Variants in RFX8 observed in about 807,000 individuals in gnomAD.
RFX8 encodes regulatory factor X8, also known as DNA-binding protein RFX8.
In RFX8, 46 loss-of-function variants were observed where a neutral mutation model predicts 54.6. That is an observed-to-expected ratio of 0.84 (90% CI 0.67 to 1.08). The LOEUF is 1.08. RFX8 is among the 50% of genes least tolerant of loss of function. The probability of loss-of-function intolerance (pLI) is 0.00; values close to 1 mark genes in which losing one functional copy is unlikely to be tolerated. For synonymous variants in RFX8, 192 were observed against 209.5 expected (o/e 0.92, Z 0.72); for missense variants, 536 against 562.3 (o/e 0.95, Z 0.47).
intron 2 of RFX8, among the ~76,000 whole-genome samples, chr2:101,431,464 GT>G (rs11326220): frequency 0.74 from 111,770 of 152,064 alleles, 42,555 homozygotes; most frequent in Middle Eastern, 0.88. Context: ...TTGGTGATCA[GT>G]TTACCCTGAT....
Position 101,414,891 on chromosome 2 carries a change from C to A in RFX8, c.524G>T (p.Arg175Ile), listed in dbSNP as rs1686399653. 1 of 1,550,454 alleles carries A rather than the reference C, an allele frequency of 6.4e-7. No individual in the cohort carries two copies. The highest frequency in any genetic ancestry group is 8.7e-7 in the Non-Finnish European group (1 of 1,146,462). Residue 175 changes from arginine (R) to isoleucine (I), a missense_variant, in exon 7 of 12, where the codon AGA becomes ATA. Coordinates refer to ENST00000428343, the MANE Select transcript of RFX8 (RefSeq NM_001145664.2). ...GGAAAGGTACGTCTTTCTTCTTAGTCTTTTGACAAATAGAGTAACTTCTGT... is the reference window on the plus strand; with the variant it reads ...GGAAAGGTACGTCTTTCTTCTTAGTATTTTGACAAATAGAGTAACTTCTGT... ...KLKEVTLFVK[R>I]LRRKTYLSNM...
At chr2:101,458,309 T>C (rs1467759278) in intron 2 of RFX8, among the ~76,000 whole-genome samples, 3 of 152,356 alleles carry the variant, frequency 2.0e-5, no homozygotes, top group African/African-American at 7.2e-5. Flanking sequence ...ATGGCATTGA[T>C]GGTCTTTACA....
At chr2:101,421,882 C>A (rs746515037) in intron 3 of RFX8, 105 bp from the exon 4 acceptor site, 6 of 817,646 alleles carry the variant, frequency 7.3e-6, no homozygotes, top group Non-Finnish European at 1.2e-5. Flanking sequence ...TGTTGCAATT[C>A]TCAAATGACA....
intron 2 of RFX8, among the ~76,000 whole-genome samples, chr2:101,437,271 T>C (rs1558868714): frequency 6.6e-6 from 1 of 150,936 alleles, no homozygotes; most frequent in East Asian, 2.0e-4. Context: ...ACCCGTCTCT[T>C]ACAAAAAAAA....
At chr2:101,409,601 G>A (rs984937496) in intron 9 of RFX8, among the ~76,000 whole-genome samples, 3 of 152,112 alleles carry the variant, frequency 2.0e-5, no homozygotes, top group Admixed American at 2.0e-4. Flanking sequence ...CTGGGTTCAA[G>A]CGATTCTCCT....
intron 4 of RFX8, among the ~76,000 whole-genome samples, chr2:101,419,259 A>G (rs1198897634): frequency 6.6e-6 from 1 of 152,172 alleles, no homozygotes; most frequent in Admixed American, 6.5e-5. Context: ...AGTTGATTAT[A>G]CTAGGATGAG....
intron 1 of RFX8, among the ~76,000 whole-genome samples, chr2:101,472,514 TGAAGAGTGGCCTATAGGGATAG>T (rs1690064476): frequency 2.0e-5 from 2 of 99,990 alleles, no homozygotes; most frequent in South Asian, 7.2e-4. Flanking sequence ...CCCCCAACCT[TGAAGAGTGGCCTATAGGGATAG>T]GAACTTGTAA....
intron 2 of RFX8, among the ~76,000 whole-genome samples, chr2:101,461,287 GAA>G (rs1265443378): frequency 4.5e-5 from 6 of 133,980 alleles, no homozygotes; most frequent in African/African-American, 1.1e-4. Context: ...AAAAAAGAAA[GAA>G]AAAGAAAAAG....
At chr2:101,416,275 G>A (rs934674855) in intron 6 of RFX8, among the ~76,000 whole-genome samples, 1 of 152,184 alleles carries the variant, frequency 6.6e-6, no homozygotes, top group Non-Finnish European at 1.5e-5. Flanking sequence ...TTGAATTCGG[G>A]CAGATGTTAA....
At chr2:101,473,573 TAAA>T (rs1337009445) in intron 1 of RFX8, among the ~76,000 whole-genome samples, 1 of 152,156 alleles carries the variant, frequency 6.6e-6, no homozygotes, top group Admixed American at 6.5e-5. Flanking sequence ...CTTTGAAACT[TAAA>T]AAGAGAAAAA....
At chr2:101,403,585 G>A (rs111732445) in intron 10 of RFX8, among the ~76,000 whole-genome samples, 11,722 of 152,222 alleles carry the variant, frequency 0.077, 569 homozygotes, top group Non-Finnish European at 0.11. Context: ...AGGAGATCGA[G>A]ACCATCCCAG....
intron 2 of RFX8, among the ~76,000 whole-genome samples, chr2:101,462,044 A>G (rs978770406): frequency 6.6e-6 from 1 of 152,168 alleles, no homozygotes; most frequent in Non-Finnish European, 1.5e-5. Context: ...ACATATGGGG[A>G]TCTATCCTAA....
chr2:101,438,280 A>G (rs1189417327), intron 2 of RFX8, among the ~76,000 whole-genome samples: 1 of 152,180 alleles, frequency 6.6e-6, no homozygotes. Context: ...GATCTTATTC[A>G]TTATGTATGT....
At chr2:101,410,514 C>A in intron 9 of RFX8, 105 bp downstream of exon 9, 1 of 656,354 alleles carries the variant, frequency 1.5e-6, no homozygotes, top group South Asian at 2.0e-5. Context: ...TGACACATTT[C>A]CGACCAGAGC....
intron 4 of RFX8, chr2:101,421,253 C>A: frequency 2.0e-6 from 2 of 985,686 alleles, no homozygotes; most frequent in Non-Finnish European, 1.2e-6. Flanking sequence ...CTCAGAATAG[C>A]TGAAAGATTT....
At chr2:101,408,479 T>A (rs1223415123) in intron 9 of RFX8, among the ~76,000 whole-genome samples, 1 of 123,432 alleles carries the variant, frequency 8.1e-6, no homozygotes, top group Non-Finnish European at 1.8e-5. Flanking sequence ...CGAGACTCCG[T>A]CTCAAAAAAA....
rs143815142 is a variant in RFX8 at position 101,467,154 on chromosome 2, T to C, written c.-52-254A>G. On this transcript the variant is annotated intron_variant, in intron 1 of 11. Transcript: ENST00000428343. ...TAACGTGTTTCTGTTTTTGTTTGTT[T>C]CCTGGCAGGTTGGCATGCTAAAAAG... is the stretch of plus-strand genomic sequence containing the variant. Among the ~76,000 whole-genome samples, 220 of 152,332 alleles carry C rather than the reference T, an allele frequency of 1.4e-3. 1 individual carries two copies. The highest frequency in any genetic ancestry group is 5.0e-3 in the African/African-American group (208 of 41,580).
chr2:101,459,045 C>T (rs1018353376), intron 2 of RFX8, among the ~76,000 whole-genome samples: 8 of 152,122 alleles, frequency 5.3e-5, no homozygotes, highest in South Asian at 2.1e-4. Context: ...TCTCGTGCCA[C>T]GGTTTTCAGC....
At chr2:101,417,362 A>G (rs1686586632) in intron 6 of RFX8, among the ~76,000 whole-genome samples, 172 bp downstream of exon 6, 1 of 122,214 alleles carries the variant, frequency 8.2e-6, no homozygotes, top group African/African-American at 3.2e-5. Flanking sequence ...GTGCCACCAC[A>G]CTCAGCTAAT....
Sources: allele counts gnomAD v4.1 joint callset (sites outside exome capture counted in the v4.1 genomes callset), GRCh38; gene constraint gnomAD v4.1.1; transcripts MANE v1.5; gene names NCBI Gene and HGNC (gene_info 2026-07-23, HGNC 2026-07-21).